The following SBF2 variants were observed in gnomAD, a reference collection of about 807,000 sequenced individuals.
SBF2 encodes myotubularin-related protein 13.
A neutral mutation model predicts 225.2 loss-of-function variants in SBF2; 112 were observed. That is an observed-to-expected ratio of 0.50 (90% CI 0.43 to 0.58). The LOEUF (loss-of-function observed/expected upper bound fraction) is 0.58, where lower values mean the gene tolerates loss of function less well. Among genes scored for constraint, SBF2 ranks in the 20% least tolerant of loss-of-function variants. The pLI, the probability that SBF2 is intolerant of heterozygous loss-of-function variation, is 0.00. For missense variants in SBF2, 1,996 were observed against 2,206.2 expected (o/e 0.90, Z 1.91); for synonymous variants, 763 against 773.3 (o/e 0.99, Z 0.22).
chr11:9,872,473 T>A (rs1285744105), intron 17 of SBF2, among the ~76,000 whole-genome samples: 1 of 151,926 alleles, frequency 6.6e-6, no homozygotes, highest in Non-Finnish European at 1.5e-5. Flanking sequence ...AAGAAAAAAA[T>A]AAGTAAAAAT....
intron 1 of SBF2, among the ~76,000 whole-genome samples, chr11:10,272,555 C>A (rs1358851315): frequency 6.6e-6 from 1 of 152,182 alleles, no homozygotes; most frequent in Non-Finnish European, 1.5e-5. Flanking sequence ...TACCAAAGTG[C>A]GAACTCACCA....
intron 16 of SBF2, among the ~76,000 whole-genome samples, chr11:9,940,404 C>G (rs1450021676): frequency 4.0e-5 from 6 of 151,120 alleles, no homozygotes; most frequent in Non-Finnish European, 5.9e-5. Flanking sequence ...GACTCTGCCT[C>G]AAAAAAAAAT....
At chr11:9,972,323 A>T (rs2134400754) in intron 13 of SBF2, among the ~76,000 whole-genome samples, 2 of 152,272 alleles carry the variant, frequency 1.3e-5, no homozygotes, top group Admixed American at 1.3e-4. Context: ...TTTTGGCTAC[A>T]TTCATTTAAA....
At chr11:9,867,378 A>C (rs1199182092) in intron 17 of SBF2, among the ~76,000 whole-genome samples, 1 of 152,212 alleles carries the variant, frequency 6.6e-6, no homozygotes, top group Non-Finnish European at 1.5e-5. Context: ...TTATAAAAAA[A>C]AGAAAAAGTA....
chr11:10,204,100 T>C (rs188434618), intron 1 of SBF2, among the ~76,000 whole-genome samples: 41 of 152,028 alleles, frequency 2.7e-4, no homozygotes, highest in Admixed American at 7.2e-4. Context: ...ATTACTTAGA[T>C]ATAAAGATAA....
intron 35 of SBF2, among the ~76,000 whole-genome samples, chr11:9,788,504 C>T (rs1034083680): frequency 3.9e-5 from 6 of 152,106 alleles, no homozygotes; most frequent in Non-Finnish European, 2.9e-5. Context: ...TAAGGCTGCT[C>T]GGGCAACTAA....
intron 28 of SBF2, among the ~76,000 whole-genome samples, chr11:9,818,586 T>C (rs1042516964): frequency 5.3e-5 from 8 of 152,234 alleles, no homozygotes; most frequent in African/African-American, 1.7e-4. Context: ...AGTCTTTTCC[T>C]AGTATTAAAG....
intron 2 of SBF2, among the ~76,000 whole-genome samples, chr11:10,174,448 G>A (rs1475348636): frequency 3.9e-5 from 6 of 152,098 alleles, no homozygotes; most frequent in Admixed American, 1.3e-4. Context: ...AAGCAAGAAG[G>A]GAAGTTTAGA....
rs1956313193 is a variant in SBF2 at position 10,173,547 on chromosome 11, C to G, written c.141+20355G>C. ...TCTCGCTGATTGCTAGCACAGCAGT[C>G]TGAGATCAAACTGCAAGGCGGCAGC... On this transcript the variant is annotated intron_variant, in intron 2 of 39. Coordinates refer to ENST00000256190, the MANE Select transcript of SBF2 (RefSeq NM_030962.4). 3.9e-5 allele frequency among the ~76,000 whole-genome samples: 6 copies of G among 152,214 alleles called. No individual in the cohort carries two copies. In the South Asian group the frequency reaches 1.2e-3, roughly 32 times the overall value.
chr11:10,157,605 T>C (rs1955537324), intron 2 of SBF2, among the ~76,000 whole-genome samples: 2 of 152,130 alleles, frequency 1.3e-5, no homozygotes, highest in Admixed American at 1.3e-4. Context: ...TGGGACCTTC[T>C]AGTTGCAAGA....
intron 16 of SBF2, among the ~76,000 whole-genome samples, chr11:9,951,233 TGA>T (rs1865843144): frequency 6.6e-6 from 1 of 152,178 alleles, no homozygotes; most frequent in African/African-American, 2.4e-5. Context: ...CAGTGAACGA[TGA>T]GACTGTAGAT....
chr11:9,856,113 G>A (rs1231258263), intron 19 of SBF2, among the ~76,000 whole-genome samples: 1 of 152,196 alleles, frequency 6.6e-6, no homozygotes, highest in Non-Finnish European at 1.5e-5. Context: ...AAGGAGGGCT[G>A]AGAAACAAAC....
intron 16 of SBF2, among the ~76,000 whole-genome samples, chr11:9,941,340 A>T (rs1415059545): frequency 1.3e-5 from 2 of 152,146 alleles, no homozygotes; most frequent in Non-Finnish European, 2.9e-5. Flanking sequence ...AAATAAAAAA[A>T]AAAAAATTAT....
intron 2 of SBF2, among the ~76,000 whole-genome samples, chr11:10,111,792 G>T (rs1205801228): frequency 6.6e-6 from 1 of 152,194 alleles, no homozygotes; most frequent in Admixed American, 6.5e-5. Context: ...CAGGAGAATC[G>T]CTTGAACCCG....
chr11:9,821,676 C>T (rs954267872), intron 28 of SBF2, among the ~76,000 whole-genome samples: 1 of 152,090 alleles, frequency 6.6e-6, no homozygotes, highest in Non-Finnish European at 1.5e-5. Context: ...TCTAATAGGT[C>T]AAATCAGTAT....
chr11:9,972,798 T>A (rs146330074), intron 13 of SBF2, among the ~76,000 whole-genome samples: 130 of 152,300 alleles, frequency 8.5e-4, no homozygotes, highest in African/African-American at 2.9e-3. Flanking sequence ...AAGTTTTAAA[T>A]AGAGTCTTCC....
intron 2 of SBF2, among the ~76,000 whole-genome samples, chr11:10,088,186 G>A (rs915169707): frequency 5.9e-5 from 9 of 151,826 alleles, no homozygotes; most frequent in Admixed American, 2.0e-4. Flanking sequence ...ACCACGGCCG[G>A]CTAATTTTTT....
chr11:10,132,098 G>A (rs1255685711), intron 2 of SBF2, among the ~76,000 whole-genome samples: 2 of 152,080 alleles, frequency 1.3e-5, no homozygotes, highest in Admixed American at 1.3e-4. Context: ...AATTGCACTG[G>A]CCCCACTTCT....
intron 16 of SBF2, among the ~76,000 whole-genome samples, chr11:9,912,922 C>T (rs998212667): frequency 1.3e-5 from 2 of 152,106 alleles, no homozygotes. Flanking sequence ...TAAAGAATTA[C>T]TATAAAACAT....
Sources: allele counts gnomAD v4.1 joint callset (sites outside exome capture counted in the v4.1 genomes callset), GRCh38; gene constraint gnomAD v4.1.1; transcripts MANE v1.5; gene names NCBI Gene and HGNC (gene_info 2026-07-23, HGNC 2026-07-21).